The following RANBP2 variants were observed in gnomAD, a reference collection of about 807,000 sequenced individuals.
RANBP2 encodes RAN binding protein 2, also known as E3 SUMO-protein ligase RanBP2.
In RANBP2, 57 loss-of-function variants were observed where a neutral mutation model predicts 303.6. The observed-to-expected ratio is 0.19, with a 90% confidence interval of 0.15 to 0.23. The LOEUF is 0.23. RANBP2 is among the 10% of genes least tolerant of loss of function. RANBP2 has a pLI of 1.00. For missense variants in RANBP2, 3,138 were observed against 3,780.8 expected (o/e 0.83, Z 4.46); for synonymous variants, 1,167 against 1,301.5 (o/e 0.90, Z 2.23).
At chr2:109,732,917 C>A in the RANBP2 span, 14 of 775,502 alleles carry the variant, frequency 1.8e-5, no homozygotes, top group African/African-American at 2.1e-4. Context: ...ACTATGTGGC[C>A]CCTGTGTAGG....
At chr2:108,930,358 G>T in the RANBP2 span, 1 of 1,180,524 alleles carries the variant, frequency 8.5e-7, no homozygotes, top group Non-Finnish European at 1.2e-6. Flanking sequence ...GCTCTGCTGG[G>T]GGCTCGGTCT....
At chr2:109,612,487 C>T in the RANBP2 span, among the ~76,000 whole-genome samples, 1 of 152,188 alleles carries the variant, frequency 6.6e-6, no homozygotes, top group Non-Finnish European at 1.5e-5. Flanking sequence ...TCTCACTATA[C>T]TGTATTATTT....
chr2:109,008,685 G>A, the RANBP2 span, among the ~76,000 whole-genome samples: 3 of 151,310 alleles, frequency 2.0e-5, no homozygotes, highest in Non-Finnish European at 2.9e-5. Context: ...GGCGGATCAC[G>A]AGGTCAGGAG....
At chr2:109,409,228 A>G in the RANBP2 span, among the ~76,000 whole-genome samples, 4 of 152,336 alleles carry the variant, frequency 2.6e-5, no homozygotes, top group Admixed American at 6.5e-5. Context: ...TTGGCCCAGT[A>G]AGACAAAGGC....
the RANBP2 span, among the ~76,000 whole-genome samples, chr2:109,238,449 TTGTGTGTGTGTGTGTG>T: frequency 2.6e-3 from 378 of 142,708 alleles, 1 homozygote; most frequent in African/African-American, 7.9e-3. Context: ...TTATGTATAT[TTGTGTGTGTGTGTGTG>T]TGTGTGTGTG....
At position 108,765,219 on chromosome 2, in the gene RANBP2, T is replaced by A; in HGVS notation, c.4680T>A (p.Ala1560=). 6.2e-7 allele frequency: 1 copy of A among 1,614,170 alleles called. No individual in the cohort carries two copies. ...SSCLVRNEAN[A]TRCVACQNPD... is the part of the protein sequence containing the mutation. ...GCTTAGTGCGAAATGAAGCAAATGC[T>A]ACAAGATGTGTTGCTTGTCAGAATC... Residue 1560 remains alanine, a synonymous_variant, in exon 20 of 29, where the codon GCT becomes GCA. Transcript: ENST00000283195.
chr2:109,625,087 C>CAAAA, the RANBP2 span, among the ~76,000 whole-genome samples: 121 of 59,942 alleles, frequency 2.0e-3, no homozygotes, highest in African/African-American at 4.7e-3. Context: ...ACAACAACAA[C>CAAAA]AAAAAAAAAA....
the RANBP2 span, among the ~76,000 whole-genome samples, chr2:109,374,007 C>T: frequency 3.3e-5 from 5 of 152,112 alleles, no homozygotes; most frequent in African/African-American, 4.8e-5. Context: ...GGGAGTCAGC[C>T]GCATCTGTGC....
the RANBP2 span, among the ~76,000 whole-genome samples, chr2:109,429,273 C>G: frequency 1.3e-5 from 2 of 152,170 alleles, no homozygotes; most frequent in African/African-American, 4.8e-5. Flanking sequence ...ACAGACCCAG[C>G]ACATCCATCT....
the RANBP2 span, among the ~76,000 whole-genome samples, chr2:109,587,576 T>C: frequency 6.6e-6 from 1 of 152,120 alleles, no homozygotes; most frequent in Non-Finnish European, 1.5e-5. Context: ...CCAAAGGAAC[T>C]CACATCTAGG....
the RANBP2 span, among the ~76,000 whole-genome samples, chr2:108,814,460 A>G: frequency 1.3e-5 from 2 of 152,036 alleles, no homozygotes; most frequent in Non-Finnish European, 2.9e-5. Flanking sequence ...TTTTCATCTA[A>G]AGGGAGTTAG....
chr2:109,242,968 C>T, the RANBP2 span, among the ~76,000 whole-genome samples: 12 of 152,326 alleles, frequency 7.9e-5, no homozygotes, highest in Admixed American at 7.2e-4. Flanking sequence ...GAGGCTGAGT[C>T]GGACTTCCGT....
chr2:109,614,352 T>TC, the RANBP2 span: 1 of 730,670 alleles, frequency 1.4e-6, no homozygotes, highest in East Asian at 4.0e-5. Context: ...GGTGGCCGAG[T>TC]CCTCTGGCCT....
the RANBP2 span, among the ~76,000 whole-genome samples, chr2:109,656,560 G>A: frequency 6.6e-6 from 1 of 152,080 alleles, no homozygotes; most frequent in Non-Finnish European, 1.5e-5. Flanking sequence ...GGCTGGTCTC[G>A]AACTTCCAAC....
chr2:109,764,084 T>C, the RANBP2 span, among the ~76,000 whole-genome samples: 6 of 146,928 alleles, frequency 4.1e-5, no homozygotes, highest in African/African-American at 1.5e-4. Context: ...ATTATCCAGA[T>C]GGCTGTTTCA....
chr2:109,488,711 C>CG, the RANBP2 span, among the ~76,000 whole-genome samples: 1 of 152,210 alleles, frequency 6.6e-6, no homozygotes, highest in East Asian at 1.9e-4. Context: ...GAACTAGACT[C>CG]GGGAAACACC....
chr2:109,051,836 C>T, the RANBP2 span, among the ~76,000 whole-genome samples: 2 of 151,710 alleles, frequency 1.3e-5, no homozygotes, highest in Non-Finnish European at 2.9e-5. Context: ...GCAATATCTG[C>T]CTCCCAGGTT....
chr2:109,216,982 C>T, the RANBP2 span, among the ~76,000 whole-genome samples: 1 of 152,190 alleles, frequency 6.6e-6, no homozygotes, highest in Non-Finnish European at 1.5e-5. Context: ...ACCCACTCTT[C>T]TACTTTGTTT....
At chr2:109,442,487 TTAAAA>T in the RANBP2 span, among the ~76,000 whole-genome samples, 1 of 152,126 alleles carries the variant, frequency 6.6e-6, no homozygotes, top group Non-Finnish European at 1.5e-5. Flanking sequence ...TTGAATATCT[TTAAAA>T]TATAATTGAC....
Sources: allele counts gnomAD v4.1 joint callset (sites outside exome capture counted in the v4.1 genomes callset), GRCh38; gene constraint gnomAD v4.1.1; transcripts MANE v1.5; gene names NCBI Gene and HGNC (gene_info 2026-07-23, HGNC 2026-07-21).